The following NELL1 variants were observed in gnomAD, a reference collection of about 807,000 sequenced individuals.
NELL1 encodes protein kinase C-binding protein NELL1.
In NELL1, 76 loss-of-function variants were observed where a neutral mutation model predicts 107.4. The observed-to-expected ratio is 0.71, with a 90% CI of 0.59 to 0.86. NELL1 has a LOEUF of 0.86. NELL1 is among the 40% of genes least tolerant of loss of function. The pLI is 0.00. For missense variants in NELL1, 1,024 were observed against 1,005.5 expected (o/e 1.02, Z -0.25); for synonymous variants, 353 against 341.2 (o/e 1.03, Z -0.38).
intron 10 of NELL1, among the ~76,000 whole-genome samples, chr11:20,943,667 T>C (rs1057438896): frequency 6.6e-6 from 1 of 152,042 alleles, no homozygotes; most frequent in Admixed American, 6.6e-5. Flanking sequence ...TACCCAGATG[T>C]GAAAATCGAG....
chr11:20,752,699 A>G (rs1210791466), intron 2 of NELL1, among the ~76,000 whole-genome samples: 1 of 152,216 alleles, frequency 6.6e-6, no homozygotes, highest in African/African-American at 2.4e-5. Context: ...AAGAGGGCAA[A>G]AATTTATAAA....
At chr11:21,285,519 A>G (rs980012033) in intron 14 of NELL1, among the ~76,000 whole-genome samples, 2 of 152,194 alleles carry the variant, frequency 1.3e-5, no homozygotes, top group East Asian at 1.9e-4. Flanking sequence ...CATCTTTCCT[A>G]TGGTCTTATT....
chr11:21,557,111 G>A (rs1856733833), intron 16 of NELL1, among the ~76,000 whole-genome samples: 1 of 151,952 alleles, frequency 6.6e-6, no homozygotes, highest in Non-Finnish European at 1.5e-5. Context: ...GTATTACTAA[G>A]AATATGAATA....
rs151219856 is a variant in NELL1 at position 20,899,883 on chromosome 11, G to A, written c.603+14343G>A. ...ACAGTTTTCTAAAGCTACATGAATC[G>A]CCAAAATGGACTTCAAATAACTATG... is the stretch of plus-strand genomic sequence containing the variant. On this transcript the variant is annotated intron_variant, in intron 5 of 19. Coordinates refer to ENST00000357134, the MANE Select transcript of NELL1 (RefSeq NM_006157.5). Among the ~76,000 whole-genome samples the A allele has an allele frequency of 7.6e-4, 76 of 99,364 alleles. 2 individuals are homozygous for A. In the East Asian group the frequency reaches 0.02, roughly 26 times the overall value. The allele number at this position is 99,364 out of a possible 152,430, so 65.2% of individuals were successfully genotyped here. A position where few individuals can be genotyped will look rare whatever the true frequency, so the allele number is the denominator to read the frequency against.
At chr11:20,721,194 TA>T (rs372776159) in intron 2 of NELL1, among the ~76,000 whole-genome samples, 378 of 140,234 alleles carry the variant, frequency 2.7e-3, no homozygotes, top group East Asian at 0.014. Context: ...TATATATATA[TA>T]TAGTGTATAT....
intron 13 of NELL1, among the ~76,000 whole-genome samples, chr11:21,122,362 C>T (rs1855388339): frequency 6.6e-6 from 1 of 152,192 alleles, no homozygotes; most frequent in Admixed American, 6.5e-5. Context: ...CAGCTCCACT[C>T]TATCCACATT....
Position 20,778,307 on chromosome 11 carries a change from C to G in NELL1, c.185-5373C>G, listed in dbSNP as rs539376850. Among the ~76,000 whole-genome samples, 4 of 152,130 alleles carry G rather than the reference C, an allele frequency of 2.6e-5. No homozygotes were observed. In the East Asian group the frequency reaches 7.7e-4, roughly 29 times the overall value. ...GAAACTGTGTTTTTACTTTTATTTC[C>G]CCAGTGCCAACCACAGTGCCTGGCA... On this transcript the variant is annotated intron_variant, in intron 2 of 19. Coordinates refer to ENST00000357134, the MANE Select transcript of NELL1 (RefSeq NM_006157.5).
intron 5 of NELL1, among the ~76,000 whole-genome samples, chr11:20,913,965 G>T (rs897065757): frequency 6.6e-6 from 1 of 151,944 alleles, no homozygotes; most frequent in African/African-American, 2.4e-5. Flanking sequence ...ATGTTTGATT[G>T]GTATCTATCT....
intron 15 of NELL1, among the ~76,000 whole-genome samples, chr11:21,439,270 A>C (rs188643412): frequency 2.0e-5 from 3 of 152,202 alleles, no homozygotes; most frequent in Admixed American, 1.3e-4. Context: ...TCAGTTATAC[A>C]GATAGAATCC....
Position 20,927,297 on chromosome 11 carries a change from C to A in NELL1, c.760-11C>A, listed in dbSNP as rs1362349298. The A allele has an allele frequency of 6.3e-7, 1 of 1,599,096 alleles. No homozygotes were observed. The highest frequency in any genetic ancestry group is 2.2e-5 in the East Asian group (1 of 44,712). On this transcript the variant is annotated splice_polypyrimidine_tract_variant and intron_variant, in intron 7 of 19. Coordinates refer to ENST00000357134, the MANE Select transcript of NELL1 (RefSeq NM_006157.5). ...ATTACAGAAATTACATTCAGTAACT[C>A]TTGTTTGCAGCTAAATTATGCAGAG...
chr11:20,878,904 T>G (rs776187748), intron 4 of NELL1, among the ~76,000 whole-genome samples: 10 of 152,178 alleles, frequency 6.6e-5, no homozygotes, highest in Non-Finnish European at 1.2e-4. Flanking sequence ...CTCCTTATCT[T>G]AAGGTGCTTA....
intron 15 of NELL1, among the ~76,000 whole-genome samples, chr11:21,457,266 T>C (rs1327062064): frequency 6.6e-6 from 1 of 152,120 alleles, no homozygotes; most frequent in Non-Finnish European, 1.5e-5. Context: ...TGGAATATTA[T>C]GGGAAAACAA....
chr11:21,057,372 C>CTT (rs145220712), intron 12 of NELL1, among the ~76,000 whole-genome samples: 3 of 151,940 alleles, frequency 2.0e-5, no homozygotes, highest in East Asian at 3.9e-4. Flanking sequence ...ATGGGAACTA[C>CTT]TTTTTTTACC....
At chr11:20,816,657 C>G (rs1857629829) in intron 3 of NELL1, among the ~76,000 whole-genome samples, 1 of 152,106 alleles carries the variant, frequency 6.6e-6, no homozygotes, top group African/African-American at 2.4e-5. Context: ...ATTGCTCTGG[C>G]TAGAACTTCC....
intron 13 of NELL1, among the ~76,000 whole-genome samples, chr11:21,152,669 A>T (rs1208888224): frequency 2.0e-5 from 3 of 152,178 alleles, no homozygotes; most frequent in African/African-American, 7.2e-5. Context: ...TGACAATTGT[A>T]GAGATGGTCT....
chr11:21,489,251 A>C (rs944350663), intron 15 of NELL1, among the ~76,000 whole-genome samples: 2 of 151,780 alleles, frequency 1.3e-5, no homozygotes, highest in Non-Finnish European at 2.9e-5. Context: ...ACCTGAACAG[A>C]CCAATAATGA....
rs970029529 is a variant in NELL1 at position 21,194,237 on chromosome 11, T to A, written c.1427-35095T>A. ...AGACTCTCTAGCACCCATGCTGACATCTACCTCTTCACCTCCGGGTTCTAA... is the reference window on the plus strand; with the variant it reads ...AGACTCTCTAGCACCCATGCTGACAACTACCTCTTCACCTCCGGGTTCTAA... On this transcript the variant is annotated intron_variant, in intron 13 of 19. Coordinates refer to ENST00000357134, the MANE Select transcript of NELL1 (RefSeq NM_006157.5). Among the ~76,000 whole-genome samples the A allele has an allele frequency of 3.9e-5, 6 of 152,152 alleles. No homozygotes were observed. In the East Asian group the frequency reaches 1.2e-3, roughly 29 times the overall value.
chr11:21,104,559 A>C (rs1415444345), intron 12 of NELL1, among the ~76,000 whole-genome samples: 1 of 152,206 alleles, frequency 6.6e-6, no homozygotes, highest in Non-Finnish European at 1.5e-5. Flanking sequence ...TCTAATTTGT[A>C]TTTCATGGTG....
chr11:20,996,584 A>C (rs1191527079), intron 12 of NELL1, among the ~76,000 whole-genome samples: 1 of 152,184 alleles, frequency 6.6e-6, no homozygotes, highest in East Asian at 1.9e-4. Context: ...CTGGATACTC[A>C]GTAAGCTTCT....
Sources: allele counts gnomAD v4.1 joint callset (sites outside exome capture counted in the v4.1 genomes callset), GRCh38; gene constraint gnomAD v4.1.1; transcripts MANE v1.5; gene names NCBI Gene and HGNC (gene_info 2026-07-23, HGNC 2026-07-21).